The following SLC8A1 variants were observed in gnomAD, a reference collection of about 807,000 sequenced individuals.
The protein encoded by SLC8A1 is solute carrier family 8 member A1.
A neutral mutation model predicts 68.3 loss-of-function variants in SLC8A1; 18 were observed. The observed-to-expected ratio is 0.26, with a 90% confidence interval of 0.18 to 0.39. The LOEUF (loss-of-function observed/expected upper bound fraction) is 0.39. Among genes scored for constraint, SLC8A1 ranks in the 10% least tolerant of loss-of-function variants. The pLI is 1.00. For synonymous variants in SLC8A1, 475 were observed against 415.5 expected (o/e 1.14, Z -1.74); for missense variants, 985 against 1,156.7 (o/e 0.85, Z 2.15).
chr2:40,122,729 A>G (rs145774737), intron 7 of SLC8A1, among the ~76,000 whole-genome samples: 6 of 152,332 alleles, frequency 3.9e-5, no homozygotes, highest in Admixed American at 6.5e-5. Flanking sequence ...AAGGAGGACA[A>G]TGATGCCTCC....
rs1248681064 is a variant in SLC8A1, at chr2:40,504,404, A to T, written c.-25+7945T>A. Among the ~76,000 whole-genome samples the T allele has an allele frequency of 1.1e-4, 17 of 152,196 alleles. No individual in the cohort carries two copies. In the East Asian group the frequency reaches 3.3e-3, roughly 29 times the overall value. ...CTCCAGCACATTGGTCTGGGCAAAG[A>T]TTTCTTGAGCAATACCCCACAAGCA... On this transcript the variant is annotated intron_variant, in intron 1 of 7. Transcript: ENST00000402441.
chr2:40,283,885 G>A (rs1013973097), intron 2 of SLC8A1, among the ~76,000 whole-genome samples: 1 of 152,148 alleles, frequency 6.6e-6, no homozygotes, highest in African/African-American at 2.4e-5. Context: ...AACTGGAACA[G>A]TCAGTGGTCT....
chr2:40,350,192 C>T (rs1670619406), intron 2 of SLC8A1, among the ~76,000 whole-genome samples: 1 of 152,070 alleles, frequency 6.6e-6, no homozygotes, highest in Non-Finnish European at 1.5e-5. Context: ...TCAACGACGC[C>T]ATTTATCAGC....
At chr2:40,251,244 C>A (rs753251378) in intron 2 of SLC8A1, 2 of 152,000 alleles carry the variant, frequency 1.3e-5, no homozygotes, top group Non-Finnish European at 2.9e-5. Flanking sequence ...AAAAACCAAA[C>A]CTGCTAGTCA....
chr2:40,242,586 A>G (rs1172317089), intron 2 of SLC8A1, among the ~76,000 whole-genome samples: 1 of 152,204 alleles, frequency 6.6e-6, no homozygotes, highest in Non-Finnish European at 1.5e-5. Flanking sequence ...TTGAATGTCA[A>G]AGGTCTACAA....
intron 6 of SLC8A1, among the ~76,000 whole-genome samples, chr2:40,152,832 C>A (rs1265175970): frequency 1.3e-5 from 2 of 151,952 alleles, no homozygotes; most frequent in African/African-American, 4.8e-5. Flanking sequence ...CATGGTGGTG[C>A]CTGCCTGTAG....
chr2:40,473,627 T>A (rs1559755297), intron 1 of SLC8A1, among the ~76,000 whole-genome samples: 1 of 152,240 alleles, frequency 6.6e-6, no homozygotes, highest in Non-Finnish European at 1.5e-5. Flanking sequence ...GAGTGAAAGT[T>A]GTTCAGAATA....
intron 7 of SLC8A1, among the ~76,000 whole-genome samples, chr2:40,136,465 GT>G (rs1439480574): frequency 6.6e-6 from 1 of 152,152 alleles, no homozygotes; most frequent in African/African-American, 2.4e-5. Flanking sequence ...TAACGGGAAA[GT>G]TTTCAATGTC....
chr2:40,227,193 GTTCT>G (rs1157992390), intron 2 of SLC8A1, among the ~76,000 whole-genome samples: 1 of 152,014 alleles, frequency 6.6e-6, no homozygotes, highest in African/African-American at 2.4e-5. Context: ...CTTCTTTATG[GTTCT>G]TTGTTTTGTG....
chr2:40,135,086 T>C (rs550798414), intron 7 of SLC8A1, among the ~76,000 whole-genome samples: 8 of 151,998 alleles, frequency 5.3e-5, no homozygotes, highest in Non-Finnish European at 1.2e-4. Flanking sequence ...AGGAATGAGC[T>C]TGGTGTGTGG....
intron 2 of SLC8A1, among the ~76,000 whole-genome samples, chr2:40,216,011 G>GTT (rs1558792895): frequency 2.4e-3 from 111 of 47,140 alleles, no homozygotes; most frequent in African/African-American, 7.4e-3. Flanking sequence ...CCCAGTGTAT[G>GTT]CTTTTTTTTT....
chr2:40,431,008 T>C (rs1225750722), intron 1 of SLC8A1, among the ~76,000 whole-genome samples: 1 of 152,182 alleles, frequency 6.6e-6, no homozygotes, highest in Non-Finnish European at 1.5e-5. Context: ...TTTCCACACA[T>C]TAAGTACAGT....
intron 1 of SLC8A1, among the ~76,000 whole-genome samples, chr2:40,459,779 G>T (rs1703235096): frequency 6.6e-6 from 1 of 152,094 alleles, no homozygotes; most frequent in African/African-American, 2.4e-5. Flanking sequence ...TAACTTAATG[G>T]TGGTCCCAGT....
At chr2:40,273,691 A>G (rs1186294266) in intron 2 of SLC8A1, among the ~76,000 whole-genome samples, 3 of 152,184 alleles carry the variant, frequency 2.0e-5, no homozygotes, top group Non-Finnish European at 2.9e-5. Context: ...GCAATTAACT[A>G]AAATAAGGTT....
chr2:40,458,304 C>G (rs1039152336), intron 1 of SLC8A1, among the ~76,000 whole-genome samples: 14 of 152,092 alleles, frequency 9.2e-5, no homozygotes, highest in African/African-American at 3.1e-4. Context: ...ATGTAATTCA[C>G]CTGACATAAG....
intron 2 of SLC8A1, among the ~76,000 whole-genome samples, chr2:40,235,490 T>C (rs2060242754): frequency 6.6e-6 from 1 of 152,182 alleles, no homozygotes; most frequent in Non-Finnish European, 1.5e-5. Flanking sequence ...TCTTCTCTCT[T>C]TTTTTCTTTA....
intron 2 of SLC8A1, among the ~76,000 whole-genome samples, chr2:40,239,303 C>A (rs2060884367): frequency 1.3e-5 from 2 of 152,200 alleles, no homozygotes; most frequent in East Asian, 3.9e-4. Context: ...GTATATTTGA[C>A]CATTAGCTGT....
At chr2:40,123,465 TACAC>T (rs1299408821) in intron 7 of SLC8A1, among the ~76,000 whole-genome samples, 1 of 152,176 alleles carries the variant, frequency 6.6e-6, no homozygotes, top group Non-Finnish European at 1.5e-5. Context: ...GCCACTCACA[TACAC>T]ACACTCACTT....
rs370832796 is a variant in SLC8A1, at chr2:40,170,323, C to G, written c.1930+4502G>C. ...GTAGAGAGAATCGGATGTTCTCTAG[C>G]ATGAACCTTCCTGAAGACAGGTTGG... On this transcript the variant is annotated intron_variant, in intron 4 of 7. Coordinates refer to ENST00000406785, the Ensembl canonical transcript of SLC8A1. 20 of 1,613,976 alleles carry G rather than the reference C, an allele frequency of 1.2e-5. No individual in the cohort carries two copies. In the African/African-American group the frequency reaches 2.5e-4, roughly 20 times the overall value.
Sources: allele counts gnomAD v4.1 joint callset (sites outside exome capture counted in the v4.1 genomes callset), GRCh38; gene constraint gnomAD v4.1.1; transcripts MANE v1.5; gene names NCBI Gene and HGNC (gene_info 2026-07-23, HGNC 2026-07-21).